The following HSPA4 variants were observed in gnomAD, a reference collection of about 807,000 sequenced individuals.
The protein encoded by HSPA4 is heat shock 70 kDa protein 4.
In HSPA4, 25 loss-of-function variants were observed where a neutral mutation model predicts 106.2. The observed-to-expected ratio is 0.24, with a 90% confidence interval of 0.17 to 0.33. The LOEUF (loss-of-function observed/expected upper bound fraction) is 0.33. Among genes scored for constraint, HSPA4 ranks in the 10% least tolerant of loss-of-function variants. The probability of loss-of-function intolerance (pLI) is 1.00; values close to 1 mark genes in which losing one functional copy is unlikely to be tolerated. For missense variants in HSPA4, 841 were observed against 996.0 expected (o/e 0.84, Z 2.10); for synonymous variants, 332 against 333.6 (o/e 1.00, Z 0.05).
At chr5:133,059,516 G>A (rs1765209962) in intron 1 of HSPA4, among the ~76,000 whole-genome samples, 1 of 151,946 alleles carries the variant, frequency 6.6e-6, no homozygotes, top group African/African-American at 2.4e-5. Context: ...GGGAGGCTGA[G>A]GTAGGAGGAT....
In HSPA4 at chr5:133,092,787, G is replaced by T. The variant is rs1475990742; in HGVS notation, c.1648G>T (p.Glu550Ter). Residue 550 changes from glutamate (E) to a stop codon, truncating the protein, a stop_gained and splice_region_variant, in exon 13 of 19, where the codon GAG becomes TAG. Coordinates refer to ENST00000304858, the MANE Select transcript of HSPA4 (RefSeq NM_002154.4). LOFTEE classifies it high-confidence loss of function. ...AAATAAGGCAGAGTCTGAAGAAATG[G>T]AGGTATGCATTGGGTGGTGTTTTTT... ...AENKAESEEM[E>*]TSQAGSKDKK... The T allele has an allele frequency of 8.8e-7, 1 of 1,135,074 alleles. No individual in the cohort carries two copies. The highest frequency in any genetic ancestry group is 1.7e-5 in the Admixed American group (1 of 57,568). 70.3% of individuals were successfully genotyped at this position (1,135,074 alleles called of 1,614,324 possible). A position where few individuals can be genotyped will look rare whatever the true frequency, so the allele number is the denominator to read the frequency against.
rs1364701555 is a variant in HSPA4 at position 133,105,805 on chromosome 5, A to T, written c.*1369A>T. 1 of 152,184 alleles carries T rather than the reference A, an allele frequency of 6.6e-6. No individual in the cohort carries two copies. The highest frequency in any genetic ancestry group is 1.5e-5 in the Non-Finnish European group (1 of 68,040). The allele number at this position is 152,184 out of a possible 1,614,324, so 9.4% of individuals were successfully genotyped here. Reference sequence around the variant, plus strand: ...GAATTAAGCGTTTGTCCATCTCTAGATAACATTGAAAAGTTTGAGTGTTAC... The same window carrying T: ...GAATTAAGCGTTTGTCCATCTCTAGTTAACATTGAAAAGTTTGAGTGTTAC... On this transcript the variant is annotated 3_prime_UTR_variant, in exon 19 of 19. Transcript: ENST00000304858.
chr5:133,087,369 A>G (rs1439228534), intron 8 of HSPA4, among the ~76,000 whole-genome samples: 1 of 152,100 alleles, frequency 6.6e-6, no homozygotes, highest in African/African-American at 2.4e-5. Flanking sequence ...GTTGATTGCT[A>G]TTTCAGAGTG....
chr5:133,071,605 C>G (rs6596101), intron 4 of HSPA4, among the ~76,000 whole-genome samples: 1 of 152,114 alleles, frequency 6.6e-6, no homozygotes, highest in Admixed American at 6.6e-5. Context: ...GCTTTGCCAC[C>G]GAATCTCCTC....
chr5:133,057,868 T>C (rs1275707696), intron 1 of HSPA4, among the ~76,000 whole-genome samples: 1 of 152,200 alleles, frequency 6.6e-6, no homozygotes, highest in Non-Finnish European at 1.5e-5. Context: ...ATTCCTGCTG[T>C]CTAGTTGTAA....
chr5:133,056,273 T>C (rs1765163929), intron 1 of HSPA4, among the ~76,000 whole-genome samples: 1 of 152,102 alleles, frequency 6.6e-6, no homozygotes, highest in Non-Finnish European at 1.5e-5. Flanking sequence ...TTTCAGCTGC[T>C]TGAGAGAATG....
chr5:133,088,512 C>A lies in HSPA4; in HGVS notation c.1094C>A (p.Thr365Lys), dbSNP rs764223878. The A allele has an allele frequency of 4.3e-6, 7 of 1,613,834 alleles. No homozygotes were observed. In the Admixed American group the frequency reaches 1.2e-4, roughly 27 times the overall value. ...TTTTTCGGTAAAGAACTTAGTACAA[C>A]ATTAAATGCTGATGAAGCTGTCACT... is the stretch of plus-strand genomic sequence containing the variant. ...SKFFGKELSTTLNADEAVTRG... is the reference protein window; with the variant it reads ...SKFFGKELSTKLNADEAVTRG... The change falls in exon 9 of 19, where the codon ACA (threonine) becomes AAA (lysine). Residue 365 changes from threonine to lysine, a missense_variant. Transcript: ENST00000304858.
At chr5:133,102,592 G>C (rs145672298) in intron 17 of HSPA4, among the ~76,000 whole-genome samples, 2 of 152,242 alleles carry the variant, frequency 1.3e-5, no homozygotes, top group East Asian at 3.9e-4. Context: ...TCACTAAATT[G>C]GGAGAACTGT....
chr5:133,086,959 T>C, intron 8 of HSPA4, 101 bp downstream of exon 8: 3 of 870,604 alleles, frequency 3.4e-6, no homozygotes, highest in South Asian at 2.9e-5. Context: ...ATTTTTATTG[T>C]ATGAACTAAT....
intron 17 of HSPA4, among the ~76,000 whole-genome samples, chr5:133,102,654 C>T (rs1037209568): frequency 6.6e-6 from 1 of 152,122 alleles, no homozygotes; most frequent in Non-Finnish European, 1.5e-5. Context: ...TATAAAGTTC[C>T]TCCATTATAC....
At chr5:133,103,810 C>CG (rs1270056225) in intron 17 of HSPA4, 55 bp from the exon 18 acceptor site, 1 of 1,439,162 alleles carries the variant, frequency 6.9e-7, no homozygotes. Context: ...ACAGTAGTTG[C>CG]GGGGAGGGAG....
chr5:133,052,388 TG>T (rs771554235), intron 1 of HSPA4, 31 bp downstream of exon 1: 3 of 1,367,140 alleles, frequency 2.2e-6, no homozygotes, highest in African/African-American at 2.9e-5. Context: ...CCGCGTGCAC[TG>T]GGGTTAGGAG....
intron 3 of HSPA4, among the ~76,000 whole-genome samples, chr5:133,069,829 T>C (rs576408806): frequency 2.0e-5 from 3 of 152,308 alleles, no homozygotes; most frequent in African/African-American, 7.2e-5. Context: ...GATTTGTTGT[T>C]TTACACTGTG....
intron 2 of HSPA4, among the ~76,000 whole-genome samples, chr5:133,066,984 T>A (rs1765315328): frequency 6.6e-6 from 1 of 152,184 alleles, no homozygotes; most frequent in African/African-American, 2.4e-5. Context: ...AGTGCTGGGA[T>A]TACAGGCGTG....
In HSPA4 at chr5:133,098,916, G is replaced by C. The variant is rs142221475; in HGVS notation, c.1930-629G>C. Among the ~76,000 whole-genome samples, 629 of 152,002 alleles carry C rather than the reference G, an allele frequency of 4.1e-3. 29 individuals are homozygous for C. In the East Asian group the frequency reaches 0.098, roughly 24 times the overall value. ...TGTCCTTACCTCAGGTGATCCACCC[G>C]CCTCAGCCTCCCAAAGTGCTGGGAT... is the stretch of plus-strand genomic sequence containing the variant. On this transcript the variant is annotated intron_variant, in intron 15 of 18. Transcript: ENST00000304858.
chr5:133,060,068 C>CT (rs370182052), intron 1 of HSPA4, among the ~76,000 whole-genome samples: 155 of 146,096 alleles, frequency 1.1e-3, no homozygotes, highest in Admixed American at 1.5e-3. Context: ...ATCAGTTTTA[C>CT]TTTTTTTTTT....
At chr5:133,086,928 C>T in intron 8 of HSPA4, 70 bp downstream of exon 8, 2 of 1,217,046 alleles carry the variant, frequency 1.6e-6, no homozygotes, top group Non-Finnish European at 2.4e-6. Flanking sequence ...TATTATCTTA[C>T]TTTTGCAAGC....
chr5:133,074,597 A>G (rs972596178), intron 6 of HSPA4, among the ~76,000 whole-genome samples: 1 of 152,096 alleles, frequency 6.6e-6, no homozygotes, highest in African/African-American at 2.4e-5. Flanking sequence ...TTTAACATGT[A>G]GTTCCTTGGT....
Position 133,104,386 on chromosome 5 carries a change from GC to G in HSPA4, c.2474del (p.Ala825ValfsTer24), listed in dbSNP as rs769148604. 10 of 1,614,096 alleles carry G rather than the reference GC, an allele frequency of 6.2e-6. No individual in the cohort carries two copies. The East Asian group carries it at 2.2e-4, about 36-fold the overall frequency. On this transcript the variant is annotated frameshift_variant, in exon 19 of 19. Transcript: ENST00000304858. LOFTEE classifies it high-confidence loss of function. ...PQAAEQGTDTAVPSDSDKKLP... is the reference protein window; with the variant it reads ...PQAAEQGTDTXVPSDSDKKLP... ...GGCTGCTGAGCAGGGTACAGACACAGCTGTGCCTTCGGATTCAGACAAGAAG... is the reference window on the plus strand; with the variant it reads ...GGCTGCTGAGCAGGGTACAGACACAGTGTGCCTTCGGATTCAGACAAGAAG...
Sources: gnomAD v4.1 joint callset for allele counts (sites outside exome capture counted in the v4.1 genomes callset) on GRCh38, gnomAD v4.1.1 for gene constraint, MANE v1.5 for transcripts, NCBI Gene and HGNC (gene_info 2026-07-23, HGNC 2026-07-21) for gene names.